ASCC2: variants seen among roughly 807,000 people sequenced by gnomAD.
ASCC2 encodes the protein ASC-1 complex subunit P100.
A neutral mutation model predicts 93.5 loss-of-function variants in ASCC2; 42 were observed. The observed-to-expected ratio is 0.45, with a 90% confidence interval of 0.35 to 0.58. The LOEUF is 0.58. Ranked by LOEUF, ASCC2 falls within the 20% of genes least tolerant of loss-of-function variation. ASCC2 has a pLI of 0.00. For synonymous variants in ASCC2, 364 were observed against 384.2 expected (o/e 0.95, Z 0.62); for missense variants, 859 against 977.6 (o/e 0.88, Z 1.62).
intron 15 of ASCC2, among the ~76,000 whole-genome samples, chr22:29,799,455 C>T (rs1402803401): frequency 6.6e-6 from 1 of 152,212 alleles, no homozygotes; most frequent in Admixed American, 6.5e-5. Context: ...CCTCAGCCAG[C>T]CAAGCTTTTA....
intron 4 of ASCC2, 124 bp from the exon 5 acceptor site, chr22:29,822,588 A>G (rs985207013): frequency 8.8e-7 from 1 of 1,133,878 alleles, no homozygotes; most frequent in Non-Finnish European, 1.2e-6. Flanking sequence ...TGCCTTATGC[A>G]TAGACCTGGA....
rs532917211 is a variant in ASCC2 at position 29,825,600 on chromosome 22, G to A, written c.240+22C>T. The stretch of plus-strand genomic sequence containing the variant: ...GGCATGTCATGTGCTTTGTCTTAGC[G>A]TTAATTTTGATAGAATGTTACCTGG... On this transcript the variant is annotated intron_variant, in intron 3 of 19. Transcript: ENST00000307790. This position sits in a 1 kb window ranked among gnomAD's most constrained non-coding sequence, Gnocchi z 4.9. 1.1e-5 allele frequency: 17 copies of A among 1,613,980 alleles called. No individual in the cohort carries two copies. The highest frequency in any genetic ancestry group is 2.2e-5 in the East Asian group (1 of 44,902).
At chr22:29,795,011 G>T (rs894580441) in intron 15 of ASCC2, among the ~76,000 whole-genome samples, 1 of 149,910 alleles carries the variant, frequency 6.7e-6, no homozygotes, top group Non-Finnish European at 1.5e-5. Flanking sequence ...TGCAACCTCC[G>T]CCTCCTGGGC....
rs1170108570 is a variant in ASCC2, at chr22:29,825,912, C to T, written c.82-132G>A. The T allele has an allele frequency of 4.0e-6, 4 of 1,011,734 alleles. No individual in the cohort carries two copies. The African/African-American group carries it at 6.5e-5, about 16-fold the overall frequency. 62.7% of individuals were successfully genotyped at this position (1,011,734 alleles called of 1,614,324 possible). On this transcript the variant is annotated intron_variant, in intron 2 of 19. Coordinates refer to ENST00000307790, the MANE Select transcript of ASCC2 (RefSeq NM_032204.5). This position sits in a 1 kb window ranked among gnomAD's most constrained non-coding sequence, Gnocchi z 4.9. ...CCAAGGAGCTTTTAAGCATAAAGAA[C>T]CAAGTGTATCTAACAAAGAGGGCAT...
chr22:29,801,263 A>G (rs2059045422), intron 14 of ASCC2, among the ~76,000 whole-genome samples, 153 bp from the exon 15 acceptor site: 1 of 152,226 alleles, frequency 6.6e-6, no homozygotes, highest in South Asian at 2.1e-4. Context: ...GAAGAGGGAG[A>G]TAAGCTGCTG....
At chr22:29,837,034 A>C (rs1225868419) in intron 1 of ASCC2, among the ~76,000 whole-genome samples, 1 of 152,258 alleles carries the variant, frequency 6.6e-6, no homozygotes, top group Non-Finnish European at 1.5e-5. Context: ...AGCTATGTAG[A>C]TAAGGCTCAT....
intron 1 of ASCC2, among the ~76,000 whole-genome samples, chr22:29,836,064 G>A (rs2063739611): frequency 6.6e-6 from 1 of 152,082 alleles, no homozygotes; most frequent in Admixed American, 6.6e-5. Flanking sequence ...GGAAGCCACG[G>A]AAGGAGAATT....
chr22:29,818,477 C>CACACACACAG (rs1569410952), intron 5 of ASCC2, among the ~76,000 whole-genome samples: 13 of 86,352 alleles, frequency 1.5e-4, no homozygotes, highest in South Asian at 2.9e-4. Flanking sequence ...CACACACACA[C>CACACACACAG]AGTGAAGGGG....
At chr22:29,816,220 G>C in intron 5 of ASCC2, 147 bp from the exon 6 acceptor site, 1 of 690,000 alleles carries the variant, frequency 1.4e-6, no homozygotes, top group South Asian at 1.8e-5. Flanking sequence ...GACGAGTCCT[G>C]GCCCCAGGCC....
chr22:29,831,745 C>T lies in ASCC2; in HGVS notation c.81+500G>A, dbSNP rs367929369. Among the ~76,000 whole-genome samples the T allele has an allele frequency of 9.8e-4, 150 of 152,330 alleles. 2 individuals are homozygous for T. In the South Asian group the frequency reaches 0.029, roughly 30 times the overall value. The stretch of plus-strand genomic sequence containing the variant: ...AGCTGGTAATCGACATGTTCATAGC[C>T]TCCTTATTTTTCAGTCTCACTAGCT... On this transcript the variant is annotated intron_variant, in intron 2 of 19. Transcript: ENST00000307790.
intron 4 of ASCC2, among the ~76,000 whole-genome samples, chr22:29,822,737 T>C (rs2061732507): frequency 6.7e-6 from 1 of 149,660 alleles, no homozygotes; most frequent in African/African-American, 2.5e-5. Context: ...TTTTTTTTTT[T>C]TGATACAGGG....
intron 8 of ASCC2, among the ~76,000 whole-genome samples, chr22:29,811,396 T>C (rs1420729854): frequency 6.6e-6 from 1 of 152,210 alleles, no homozygotes; most frequent in Non-Finnish European, 1.5e-5. Context: ...TTTTATACTT[T>C]TTGAGTTTTG....
intron 19 of ASCC2, among the ~76,000 whole-genome samples, chr22:29,790,184 A>T (rs2068807631): frequency 6.6e-6 from 1 of 152,124 alleles, no homozygotes; most frequent in South Asian, 2.1e-4. Flanking sequence ...TTCACCAAGT[A>T]ATGGTTATGA....
intron 15 of ASCC2, among the ~76,000 whole-genome samples, chr22:29,798,653 T>C (rs2058723179): frequency 1.3e-5 from 2 of 152,180 alleles, no homozygotes; most frequent in African/African-American, 4.8e-5. Context: ...TCCACTACCA[T>C]CTGCAGCGTC....
intron 15 of ASCC2, among the ~76,000 whole-genome samples, chr22:29,794,860 A>ACACGCCTATGCATGACAATGC (rs1349983174): frequency 6.6e-6 from 1 of 152,228 alleles, no homozygotes; most frequent in Non-Finnish European, 1.5e-5. Context: ...TTCTATGGCC[A>ACACGCCTATGCATGACAATGC]CACGCCTATG....
At position 29,813,489 on chromosome 22, in the gene ASCC2, G is replaced by C; in HGVS notation, c.774C>G (p.Ala258=). Residue 258 remains alanine, a synonymous_variant, in exon 8 of 20, where the codon GCC becomes GCG. Transcript: ENST00000307790. ...AAGCCAAAGGGAAGATATCCAGAAA[G>C]GCCCAAAGTGTGGTGCAGGTATCAC... is the stretch of plus-strand genomic sequence containing the variant. ...YLCDTCTTLW[A]FLDIFPLACQ... The C allele has an allele frequency of 6.2e-7, 1 of 1,614,184 alleles. No homozygotes were observed. Among genetic ancestry groups the C allele is most frequent in the Non-Finnish European group, 8.5e-7 (1 of 1,180,010 alleles).
chr22:29,816,087 A>C lies in ASCC2; in HGVS notation c.542-14T>G. ...TAAAGATGTTTCCTAAAAAGAGAAG[A>C]GAAAGGTTGGAATTGAGAAAAGGTG... On this transcript the variant is annotated splice_polypyrimidine_tract_variant and intron_variant, in intron 5 of 19. Coordinates refer to ENST00000307790, the MANE Select transcript of ASCC2 (RefSeq NM_032204.5). 6.3e-7 allele frequency: 1 copy of C among 1,581,838 alleles called. No individual in the cohort carries two copies. Among genetic ancestry groups the C allele is most frequent in the Non-Finnish European group, 8.6e-7 (1 of 1,161,426 alleles).
intron 13 of ASCC2, among the ~76,000 whole-genome samples, chr22:29,803,332 C>T (rs1029437788): frequency 2.0e-5 from 3 of 151,946 alleles, no homozygotes; most frequent in Admixed American, 6.6e-5. Context: ...TTTGAAGGGA[C>T]TGTATGACTT....
intron 2 of ASCC2, among the ~76,000 whole-genome samples, chr22:29,827,757 G>GACACACACACACACACACAC: frequency 9.9e-6 from 1 of 100,988 alleles, no homozygotes; most frequent in South Asian, 3.4e-4. Context: ...TCATTCTCCC[G>GACACACACACACACACACAC]ACACACACAC....
Sources: allele counts gnomAD v4.1 joint callset (sites outside exome capture counted in the v4.1 genomes callset), GRCh38; gene constraint gnomAD v4.1.1; non-coding constraint Gnocchi (gnomAD v3.1); transcripts MANE v1.5; gene names NCBI Gene and HGNC (gene_info 2026-07-23, HGNC 2026-07-21).